The following PRDM5 variants were observed in gnomAD, a reference collection of about 807,000 sequenced individuals.
PRDM5 encodes the protein PR/SET domain 5, also known as PR domain zinc finger protein 5.
PRDM5 carries 56 observed loss-of-function variants against 81.2 expected under a neutral mutation model. The observed-to-expected ratio is 0.69, with a 90% CI of 0.56 to 0.86. The LOEUF (loss-of-function observed/expected upper bound fraction) is 0.86, where lower values mean the gene tolerates loss of function less well. PRDM5 is among the 40% of genes least tolerant of loss of function. The pLI, the probability that PRDM5 is intolerant of heterozygous loss-of-function variation, is 0.00. For missense variants in PRDM5, 697 were observed against 770.1 expected (o/e 0.91, Z 1.12); for synonymous variants, 267 against 256.4 (o/e 1.04, Z -0.39).
rs1224426521 is a variant in PRDM5 at position 120,888,091 on chromosome 4, C to T, written c.177+19383G>A. 1.1e-4 allele frequency among the ~76,000 whole-genome samples: 6 copies of T among 55,760 alleles called. 3 individuals carry two copies. The highest frequency in any genetic ancestry group is 1.9e-4 in the Non-Finnish European group (6 of 31,774). The allele number at this position is 55,760 out of a possible 152,430, so 36.6% of individuals were successfully genotyped here. On this transcript the variant is annotated intron_variant, in intron 2 of 15. Coordinates refer to ENST00000264808, the MANE Select transcript of PRDM5 (RefSeq NM_018699.4). ...ACAGGCGTGAGCCACCGCGCCCGGC[C>T]GACATTTTATCCTATTGTTGTTCTG...
At chr4:120,742,655 G>C (rs141830970) in intron 14 of PRDM5, among the ~76,000 whole-genome samples, 2,136 of 152,246 alleles carry the variant, frequency 0.014, 23 homozygotes, top group Middle Eastern at 0.034. Flanking sequence ...GAGCCGAAGC[G>C]ATCAACTGGA....
At position 120,770,826 on chromosome 4, in the gene PRDM5, C is replaced by T. The variant is rs571296156; in HGVS notation, c.1537+6362G>A. On this transcript the variant is annotated intron_variant, in intron 13 of 15. Transcript: ENST00000264808. Reference sequence around the variant, plus strand: ...GTTACCTGCACAATCATGATATACACACTAAATATTTGTATTATTCAAGAG... The same window carrying T: ...GTTACCTGCACAATCATGATATACATACTAAATATTTGTATTATTCAAGAG... Among the ~76,000 whole-genome samples the T allele has an allele frequency of 2.0e-5, 3 of 152,118 alleles. No individual in the cohort carries two copies. In the South Asian group the frequency reaches 6.2e-4, roughly 32 times the overall value.
intron 2 of PRDM5, among the ~76,000 whole-genome samples, chr4:120,862,268 A>G (rs1760691862): frequency 6.6e-6 from 1 of 152,250 alleles, no homozygotes; most frequent in African/African-American, 2.4e-5. Flanking sequence ...TGTGCTATGA[A>G]AAGCCACAGA....
intron 14 of PRDM5, among the ~76,000 whole-genome samples, chr4:120,713,936 C>A (rs960154757): frequency 1.3e-5 from 2 of 152,160 alleles, no homozygotes; most frequent in African/African-American, 4.8e-5. Flanking sequence ...GGAAAGTACT[C>A]TGGTCTCTTC....
intron 3 of PRDM5, chr4:120,838,473 T>C (rs1184729736): frequency 1.3e-5 from 2 of 152,152 alleles, no homozygotes; most frequent in East Asian, 3.9e-4. Context: ...AAACTATATA[T>C]TATTGTTAAC....
In PRDM5 at chr4:120,872,821, C is replaced by T. The variant is rs1388971813; in HGVS notation, c.178-19281G>A. ...AAAGTAGCATGGTGATTACCAGGGG[C>T]AGGGGGTAGTGGGGAGGTGAGATGT... On this transcript the variant is annotated intron_variant, in intron 2 of 15. Transcript: ENST00000264808. 2.0e-5 allele frequency among the ~76,000 whole-genome samples: 3 copies of T among 152,020 alleles called. No individual in the cohort carries two copies. In the East Asian group the frequency reaches 5.8e-4, roughly 29 times the overall value.
At chr4:120,837,877 T>C (rs1196825645) in intron 3 of PRDM5, 1 of 152,138 alleles carries the variant, frequency 6.6e-6, no homozygotes, top group African/African-American at 2.4e-5. Context: ...TACAGCCATA[T>C]CTCAAAGGAC....
chr4:120,872,208 C>CTGGGTGT (rs1366823562), intron 2 of PRDM5, among the ~76,000 whole-genome samples: 2 of 144,700 alleles, frequency 1.4e-5, no homozygotes, highest in African/African-American at 5.1e-5. Context: ...AATTCCACTT[C>CTGGGTGT]TGGGTGTAAA....
At chr4:120,704,714 G>A (rs1020495209) in intron 15 of PRDM5, among the ~76,000 whole-genome samples, 4 of 152,140 alleles carry the variant, frequency 2.6e-5, no homozygotes, top group African/African-American at 9.7e-5. Flanking sequence ...GAGGAACAGA[G>A]GAGCGTGCAG....
intron 15 of PRDM5, among the ~76,000 whole-genome samples, chr4:120,704,544 T>TA (rs1370468419): frequency 1.3e-5 from 2 of 152,234 alleles, no homozygotes; most frequent in Non-Finnish European, 2.9e-5. Context: ...AGAAAGCACC[T>TA]AAATTCTAGA....
intron 1 of PRDM5, among the ~76,000 whole-genome samples, chr4:120,913,751 A>C (rs930519953): frequency 6.6e-6 from 1 of 152,186 alleles, no homozygotes; most frequent in Admixed American, 6.5e-5. Flanking sequence ...CTTAGTAATA[A>C]AGTAGAGGAC....
Position 120,765,967 on chromosome 4 carries a change from T to C in PRDM5, c.1537+11221A>G, listed in dbSNP as rs532351507. Among the ~76,000 whole-genome samples, 65 of 151,152 alleles carry C rather than the reference T, an allele frequency of 4.3e-4. 1 individual carries two copies. The highest frequency in any genetic ancestry group is 1.5e-3 in the African/African-American group (62 of 41,326). On this transcript the variant is annotated intron_variant, in intron 13 of 15. Transcript: ENST00000264808. ...TTGGGACTTTTTTTTTTCTTTCTTT[T>C]TTTTTTTTTTTAGACAGAGTTTCAC...
chr4:120,727,932 T>A (rs1384517354), intron 14 of PRDM5, among the ~76,000 whole-genome samples: 13 of 144,858 alleles, frequency 9.0e-5, no homozygotes, highest in Non-Finnish European at 1.5e-4. Flanking sequence ...TGAGACTCCA[T>A]CTCAGTAAGA....
At chr4:120,754,259 G>A (rs1323077972) in intron 14 of PRDM5, among the ~76,000 whole-genome samples, 1 of 152,036 alleles carries the variant, frequency 6.6e-6, no homozygotes, top group African/African-American at 2.4e-5. Context: ...TTTAAATATT[G>A]TAGTATTAAA....
At chr4:120,873,749 T>C (rs951274190) in intron 2 of PRDM5, among the ~76,000 whole-genome samples, 1 of 152,208 alleles carries the variant, frequency 6.6e-6, no homozygotes, top group African/African-American at 2.4e-5. Context: ...CAAAATCTAC[T>C]TTTTCCCCAC....
At chr4:120,714,129 T>A (rs534073484) in intron 14 of PRDM5, among the ~76,000 whole-genome samples, 5 of 152,204 alleles carry the variant, frequency 3.3e-5, no homozygotes, top group Non-Finnish European at 7.4e-5. Context: ...TCATTTTATA[T>A]AATCAACGTG....
At chr4:120,745,317 C>T (rs1356568815) in intron 14 of PRDM5, among the ~76,000 whole-genome samples, 1 of 120,198 alleles carries the variant, frequency 8.3e-6, no homozygotes. Flanking sequence ...AAACCCACAG[C>T]CAATATCATA....
chr4:120,898,626 C>A (rs781021986), intron 2 of PRDM5, among the ~76,000 whole-genome samples: 1 of 152,170 alleles, frequency 6.6e-6, no homozygotes, highest in Non-Finnish European at 1.5e-5. Context: ...CTTTAACACC[C>A]CTTGAAGCTG....
chr4:120,918,167 A>C (rs1023601513), intron 1 of PRDM5, among the ~76,000 whole-genome samples: 1 of 152,248 alleles, frequency 6.6e-6, no homozygotes, highest in African/African-American at 2.4e-5. Context: ...GTTTGGAGAA[A>C]ATGTTAGAGT....
Sources: allele counts gnomAD v4.1 joint callset (sites outside exome capture counted in the v4.1 genomes callset), GRCh38; gene constraint gnomAD v4.1.1; transcripts MANE v1.5; gene names NCBI Gene and HGNC (gene_info 2026-07-23, HGNC 2026-07-21).